MNAT1: variants seen among roughly 807,000 people sequenced by gnomAD.
The protein encoded by MNAT1 is CDK-activating kinase assembly factor MAT1.
MNAT1 carries 43 observed loss-of-function variants against 42.0 expected under a neutral mutation model. That is an observed-to-expected ratio of 1.02 (90% CI 0.80 to 1.32). The LOEUF (loss-of-function observed/expected upper bound fraction) is 1.32, where lower values mean the gene tolerates loss of function less well. Ranked by LOEUF, MNAT1 falls within the 40% of genes most tolerant of loss-of-function variation. MNAT1 has a pLI of 0.00. For missense variants in MNAT1, 306 were observed against 350.4 expected (o/e 0.87, Z 1.01); for synonymous variants, 118 against 120.0 (o/e 0.98, Z 0.11).
At chr14:60,763,858 C>T (rs1376088238) in intron 1 of MNAT1, among the ~76,000 whole-genome samples, 1 of 152,144 alleles carries the variant, frequency 6.6e-6, no homozygotes, top group African/African-American at 2.4e-5. Context: ...GATTAAATTA[C>T]TTATTGTCAA....
At chr14:60,911,408 C>G (rs1043502096) in intron 7 of MNAT1, among the ~76,000 whole-genome samples, 8 of 152,024 alleles carry the variant, frequency 5.3e-5, no homozygotes, top group African/African-American at 1.7e-4. Context: ...TCTTTTAATT[C>G]TGTTGTTAGG....
chr14:60,830,076 T>C (rs1185228884), intron 6 of MNAT1, among the ~76,000 whole-genome samples: 2 of 152,190 alleles, frequency 1.3e-5, no homozygotes, highest in African/African-American at 4.8e-5. Context: ...CCTGTAGGGT[T>C]GATAGTGGTA....
intron 1 of MNAT1, among the ~76,000 whole-genome samples, chr14:60,786,613 C>T (rs1389394473): frequency 6.6e-6 from 1 of 152,046 alleles, no homozygotes; most frequent in East Asian, 1.9e-4. Context: ...TTACATGTTA[C>T]CACAATGTAT....
At chr14:60,837,449 C>T (rs887823188) in intron 6 of MNAT1, among the ~76,000 whole-genome samples, 2 of 152,278 alleles carry the variant, frequency 1.3e-5, no homozygotes, top group Non-Finnish European at 1.5e-5. Flanking sequence ...TGCAGTCCCT[C>T]ATGGCTTCCT....
chr14:60,742,826 TACA>T (rs1383531534), intron 1 of MNAT1, among the ~76,000 whole-genome samples: 18 of 152,370 alleles, frequency 1.2e-4, no homozygotes, highest in African/African-American at 4.1e-4. Context: ...CATGTATGAG[TACA>T]ACATTTCTTT....
At chr14:60,830,829 T>G (rs1276964088) in intron 6 of MNAT1, among the ~76,000 whole-genome samples, 1 of 152,046 alleles carries the variant, frequency 6.6e-6, no homozygotes, top group Admixed American at 6.6e-5. Flanking sequence ...AGATTGTTTA[T>G]GTATCAGAAT....
chr14:60,759,463 G>A (rs2030504616), intron 1 of MNAT1, among the ~76,000 whole-genome samples: 1 of 152,172 alleles, frequency 6.6e-6, no homozygotes, highest in Admixed American at 6.5e-5. Context: ...GAGACATCAT[G>A]TAAAAATTTG....
At chr14:60,908,836 C>T (rs2035277322) in intron 7 of MNAT1, among the ~76,000 whole-genome samples, 1 of 152,032 alleles carries the variant, frequency 6.6e-6, no homozygotes, top group Admixed American at 6.5e-5. Flanking sequence ...GGGTATATAC[C>T]CAGTAATGGG....
intron 1 of MNAT1, among the ~76,000 whole-genome samples, chr14:60,778,058 T>C (rs1026652533): frequency 7.9e-5 from 12 of 152,194 alleles, no homozygotes; most frequent in Admixed American, 7.9e-4. Flanking sequence ...TTTGTTTTGA[T>C]TCTTTTAAGA....
chr14:60,858,103 C>T (rs4899022), intron 6 of MNAT1, among the ~76,000 whole-genome samples: 139,528 of 152,188 alleles, frequency 0.92, 64,616 homozygotes, highest in Non-Finnish European at 0.99. Context: ...AATGGGATTG[C>T]TGGGTCAAAT....
At chr14:60,833,562 C>T (rs2033286188) in intron 6 of MNAT1, among the ~76,000 whole-genome samples, 1 of 152,124 alleles carries the variant, frequency 6.6e-6, no homozygotes, top group Non-Finnish European at 1.5e-5. Flanking sequence ...TTTGGATGTG[C>T]TGGTGGATTC....
At chr14:60,753,213 G>C (rs192171856) in intron 1 of MNAT1, among the ~76,000 whole-genome samples, 11 of 152,322 alleles carry the variant, frequency 7.2e-5, no homozygotes, top group African/African-American at 2.6e-4. Context: ...TCATGAGATT[G>C]CAATCAAGTT....
chr14:60,888,872 C>T lies in MNAT1; in HGVS notation c.809+9037C>T, dbSNP rs200273701. ...AATTGCTTCAAAGAGAATAAAATAC[C>T]TAGGAATCCAACTTAGAAGGGATGT... On this transcript the variant is annotated intron_variant, in intron 7 of 7. Coordinates refer to ENST00000261245, the MANE Select transcript of MNAT1 (RefSeq NM_002431.4). 6.4e-3 allele frequency among the ~76,000 whole-genome samples: 908 copies of T among 140,820 alleles called. 57 individuals carry two copies. In the East Asian group the frequency reaches 0.16, roughly 25 times the overall value. The allele number at this position is 140,820 out of a possible 152,430, so 92.4% of individuals were successfully genotyped here.
At chr14:60,889,762 C>T (rs2034788534) in intron 7 of MNAT1, among the ~76,000 whole-genome samples, 1 of 152,018 alleles carries the variant, frequency 6.6e-6, no homozygotes, top group African/African-American at 2.4e-5. Context: ...CAAGAAAAAA[C>T]AAACAACCCC....
At chr14:60,900,840 A>G (rs1455529812) in intron 7 of MNAT1, among the ~76,000 whole-genome samples, 1 of 151,762 alleles carries the variant, frequency 6.6e-6, no homozygotes, top group East Asian at 1.9e-4. Context: ...GGCAAAAAAT[A>G]CAAAAATTAG....
intron 6 of MNAT1, among the ~76,000 whole-genome samples, chr14:60,827,870 G>A (rs2139378311): frequency 6.6e-6 from 1 of 152,206 alleles, no homozygotes; most frequent in African/African-American, 2.4e-5. Flanking sequence ...CTCCAGTTAT[G>A]TTATTTCACT....
rs200383222 is a variant in MNAT1, at chr14:60,808,431, C to A, written c.420+3C>A. The A allele has an allele frequency of 4.7e-6, 7 of 1,487,274 alleles. No homozygotes were observed. The South Asian group carries it at 6.3e-5, about 13-fold the overall frequency. 92.1% of individuals were successfully genotyped at this position (1,487,274 alleles called of 1,614,324 possible). Reference sequence around the variant, plus strand: ...TTCAGAAAAATAAATTAAAGCTGGTCGGTTGCTAAGTATTTTCTTCTTATT... The same window carrying A: ...TTCAGAAAAATAAATTAAAGCTGGTAGGTTGCTAAGTATTTTCTTCTTATT... On this transcript the variant is annotated splice_donor_region_variant and intron_variant, in intron 4 of 7. Transcript: ENST00000261245.
chr14:60,964,856 T>C (rs573467257), intron 7 of MNAT1, among the ~76,000 whole-genome samples: 1 of 152,340 alleles, frequency 6.6e-6, no homozygotes, highest in South Asian at 2.1e-4. Context: ...AAATTTTCAT[T>C]GTGCTGTTTC....
intron 1 of MNAT1, among the ~76,000 whole-genome samples, chr14:60,762,691 G>A (rs2030654166): frequency 1.0e-5 from 1 of 97,308 alleles, no homozygotes; most frequent in South Asian, 4.0e-4. Flanking sequence ...GGGCAACAGA[G>A]CGAGACTCTG....
Sources: allele counts gnomAD v4.1 joint callset (sites outside exome capture counted in the v4.1 genomes callset), GRCh38; gene constraint gnomAD v4.1.1; transcripts MANE v1.5; gene names NCBI Gene and HGNC (gene_info 2026-07-23, HGNC 2026-07-21).